The following CTNNA2 variants were observed in gnomAD, a reference collection of about 807,000 sequenced individuals.
CTNNA2 encodes the protein catenin alpha 2.
CTNNA2 carries 42 observed loss-of-function variants against 101.0 expected under a neutral mutation model. The ratio of observed to expected loss-of-function variants is 0.42; its 90% CI spans 0.32 to 0.54. CTNNA2 has a LOEUF of 0.54. CTNNA2 is among the 20% of genes least tolerant of loss of function. The pLI is 0.14. For synonymous variants in CTNNA2, 450 were observed against 456.4 expected, an observed-to-expected ratio of 0.99 and a Z score of 0.18; for missense variants, 871 against 1,223.1, an observed-to-expected ratio of 0.71 and a Z score of 4.29.
At chr2:79,677,310 G>A (rs1683252934) in intron 2 of CTNNA2, among the ~76,000 whole-genome samples, 1 of 152,120 alleles carries the variant, frequency 6.6e-6, no homozygotes, top group Non-Finnish European at 1.5e-5. Context: ...GAGGGTTGGG[G>A]ATGGAGAGAC....
intron 3 of CTNNA2, among the ~76,000 whole-genome samples, chr2:79,352,667 G>A (rs1409062584): frequency 6.6e-6 from 1 of 151,912 alleles, no homozygotes; most frequent in African/African-American, 2.4e-5. Flanking sequence ...AGTTCCTATA[G>A]GTGTGATCAT....
intron 7 of CTNNA2, among the ~76,000 whole-genome samples, chr2:80,165,262 G>T (rs1022600845): frequency 6.8e-5 from 10 of 148,098 alleles, no homozygotes; most frequent in Admixed American, 6.7e-4. Flanking sequence ...TCTCTCTGTT[G>T]TTCAAAAGAT....
At chr2:80,393,460 A>G (rs1016952090) in intron 8 of CTNNA2, among the ~76,000 whole-genome samples, 169 bp downstream of exon 8, 6 of 152,230 alleles carry the variant, frequency 3.9e-5, no homozygotes, top group African/African-American at 1.4e-4. Context: ...ATTGCTGGAC[A>G]GAGACGAGCC....
intron 7 of CTNNA2, among the ~76,000 whole-genome samples, chr2:80,079,415 A>T (rs1380778307): frequency 6.6e-6 from 1 of 152,174 alleles, no homozygotes; most frequent in Non-Finnish European, 1.5e-5. Flanking sequence ...CATAAATACC[A>T]TGGGAGCTCC....
chr2:79,954,128 G>T (rs1689064176), intron 7 of CTNNA2, among the ~76,000 whole-genome samples: 1 of 152,128 alleles, frequency 6.6e-6, no homozygotes, highest in South Asian at 2.1e-4. Flanking sequence ...CAGGAGAGAA[G>T]TGAGTGAGGA....
intron 1 of CTNNA2, among the ~76,000 whole-genome samples, chr2:79,591,325 G>A (rs555750034): frequency 7.2e-5 from 11 of 152,256 alleles, no homozygotes; most frequent in East Asian, 3.9e-4. Context: ...ATTTATAAAT[G>A]TTATCCTGTG....
chr2:79,816,966 A>G (rs1020977093), intron 3 of CTNNA2, among the ~76,000 whole-genome samples: 22 of 152,192 alleles, frequency 1.4e-4, no homozygotes, highest in African/African-American at 4.1e-4. Flanking sequence ...CAGTCATTAA[A>G]TAAACCTGCC....
chr2:80,351,880 G>T (rs974810371), intron 7 of CTNNA2, among the ~76,000 whole-genome samples: 4 of 152,006 alleles, frequency 2.6e-5, no homozygotes, highest in South Asian at 4.1e-4. Flanking sequence ...CTAGTTACTT[G>T]CTTAGTTGAT....
At chr2:79,342,970 T>C (rs1573099601) in intron 3 of CTNNA2, among the ~76,000 whole-genome samples, 1 of 152,168 alleles carries the variant, frequency 6.6e-6, no homozygotes, top group Admixed American at 6.6e-5. Context: ...TAAATATTCT[T>C]ATGGAAAGAA....
intron 7 of CTNNA2, among the ~76,000 whole-genome samples, chr2:80,041,671 C>T (rs1696066297): frequency 6.6e-6 from 1 of 152,134 alleles, no homozygotes; most frequent in South Asian, 2.1e-4. Context: ...TTCCCATAGT[C>T]ATAGTATGTA....
At chr2:79,568,088 G>T (rs183922799) in intron 1 of CTNNA2, among the ~76,000 whole-genome samples, 5 of 151,988 alleles carry the variant, frequency 3.3e-5, no homozygotes, top group Admixed American at 3.3e-4. Flanking sequence ...TTCTCACCTG[G>T]TATATTGCCA....
intron 4 of CTNNA2, among the ~76,000 whole-genome samples, chr2:79,457,043 A>G (rs1670831131): frequency 6.6e-6 from 1 of 151,494 alleles, no homozygotes; most frequent in South Asian, 2.1e-4. Flanking sequence ...CTACTAAAAT[A>G]CAAAAAAAAT....
At position 79,994,389 on chromosome 2, in the gene CTNNA2, G is replaced by A. The variant is rs4143779; in HGVS notation, c.1056+84592G>A. Among the ~76,000 whole-genome samples, 83 of 152,234 alleles carry A rather than the reference G, an allele frequency of 5.5e-4. 1 individual carries two copies. The East Asian group carries it at 0.012, about 22-fold the overall frequency. On this transcript the variant is annotated intron_variant, in intron 7 of 18. Transcript: ENST00000402739. ...CTGAATTTACCTGCTGTACTTTGTC[G>A]CTTGTTTCCTCTTTTCCCCCAGCTC... is the stretch of plus-strand genomic sequence containing the variant.
chr2:80,070,932 C>A (rs1246529343), intron 7 of CTNNA2, among the ~76,000 whole-genome samples: 1 of 152,140 alleles, frequency 6.6e-6, no homozygotes, highest in Non-Finnish European at 1.5e-5. Context: ...TTTCTCTGCT[C>A]TCCTCTTATA....
At chr2:79,934,265 A>T (rs1449000304) in intron 7 of CTNNA2, among the ~76,000 whole-genome samples, 5 of 152,240 alleles carry the variant, frequency 3.3e-5, no homozygotes, top group African/African-American at 1.2e-4. Context: ...CTGATTACAG[A>T]ACTTAACTAT....
At chr2:80,342,179 C>A (rs1348756782) in intron 7 of CTNNA2, among the ~76,000 whole-genome samples, 1 of 152,158 alleles carries the variant, frequency 6.6e-6, no homozygotes, top group Non-Finnish European at 1.5e-5. Context: ...AAAGTGTCTA[C>A]ATGTAGAGAG....
chr2:79,811,682 A>C (rs1677052195), intron 3 of CTNNA2, among the ~76,000 whole-genome samples: 1 of 152,062 alleles, frequency 6.6e-6, no homozygotes, highest in South Asian at 2.1e-4. Flanking sequence ...TCTTTTTTCA[A>C]AATTGGTTTT....
intron 7 of CTNNA2, among the ~76,000 whole-genome samples, chr2:80,312,501 A>G (rs1421205857): frequency 6.6e-6 from 1 of 152,206 alleles, no homozygotes; most frequent in Non-Finnish European, 1.5e-5. Flanking sequence ...GATGTGAACT[A>G]CTGATTAGGA....
chr2:80,020,993 C>CTTTTTTTTTT (rs869061321), intron 7 of CTNNA2, among the ~76,000 whole-genome samples: 1 of 89,352 alleles, frequency 1.1e-5, no homozygotes, highest in East Asian at 3.4e-4. Flanking sequence ...GACCAATCAT[C>CTTTTTTTTTT]TTTTTTTTTT....
Sources: gnomAD v4.1 joint callset for allele counts (sites outside exome capture counted in the v4.1 genomes callset) on GRCh38, gnomAD v4.1.1 for gene constraint, MANE v1.5 for transcripts, NCBI Gene and HGNC (gene_info 2026-07-23, HGNC 2026-07-21) for gene names.